SDHB: variants seen among roughly 807,000 people sequenced by gnomAD.
SDHB encodes succinate dehydrogenase complex iron sulfur subunit B.
Under a neutral mutation model 39.7 loss-of-function variants are expected in SDHB, and 21 were observed. That is an observed-to-expected ratio of 0.53 (90% CI 0.37 to 0.76). The LOEUF (loss-of-function observed/expected upper bound fraction) is 0.76, where lower values mean the gene tolerates loss of function less well. Ranked by LOEUF, SDHB falls within the 30% of genes least tolerant of loss-of-function variation. SDHB has a pLI of 0.00. For synonymous variants in SDHB, 118 were observed against 117.0 expected (o/e 1.01, Z -0.06); for missense variants, 343 against 350.9 (o/e 0.98, Z 0.18).
intron 2 of SDHB, among the ~76,000 whole-genome samples, chr1:17,034,068 TCCA>T (rs879333006): frequency 3.9e-5 from 6 of 152,148 alleles, no homozygotes; most frequent in Non-Finnish European, 8.8e-5. Context: ...CTGCCCCCAT[TCCA>T]CTCACTAATT....
chr1:17,041,520 C>T (rs192463397), intron 2 of SDHB, among the ~76,000 whole-genome samples: 19 of 151,898 alleles, frequency 1.3e-4, no homozygotes, highest in Middle Eastern at 3.4e-3. Context: ...AAAAATTAGA[C>T]GGTGTGTGAC....
Position 17,018,815 on chromosome 1 carries a change from C to T in SDHB, c.*66G>A. The stretch of plus-strand genomic sequence containing the variant: ...TGGAAAACCAAGATCTTTAAAGGAA[C>T]TCAAATTAGATATAAATTATGTTCA... On this transcript the variant is annotated 3_prime_UTR_variant, in exon 8 of 8. Transcript: ENST00000375499. 1 of 1,176,636 alleles carries T rather than the reference C, an allele frequency of 8.5e-7. No individual in the cohort carries two copies. Among genetic ancestry groups the T allele is most frequent in the Non-Finnish European group, 1.3e-6 (1 of 785,292 alleles). 72.9% of individuals were successfully genotyped at this position (1,176,636 alleles called of 1,614,324 possible). A position where few individuals can be genotyped will look rare whatever the true frequency, so the allele number is the denominator to read the frequency against.
In SDHB at chr1:17,053,847, G is replaced by A. The variant is rs2078162164; in HGVS notation, c.72+101C>T. On this transcript the variant is annotated intron_variant, in intron 1 of 7. Coordinates refer to ENST00000375499, the MANE Select transcript of SDHB (RefSeq NM_003000.3). ...GGGAGGAGGTCCTCCATCTCCCTGA[G>A]GCCTTGCCCTATGCTTCCTCAGTCT... is the stretch of plus-strand genomic sequence containing the variant. 3.2e-5 allele frequency: 27 copies of A among 844,630 alleles called. No individual in the cohort carries two copies. The South Asian group carries it at 3.7e-4, about 12-fold the overall frequency. 52.3% of individuals were successfully genotyped at this position (844,630 alleles called of 1,614,324 possible).
At chr1:17,050,374 C>A (rs1018742180) in intron 1 of SDHB, among the ~76,000 whole-genome samples, 1 of 151,374 alleles carries the variant, frequency 6.6e-6, no homozygotes, top group African/African-American at 2.4e-5. Context: ...ATAGGCCAGG[C>A]GTGGTGGCTC....
rs2078101264 is a variant in SDHB, at chr1:17,044,906, T to C, written c.73-18A>G. 1.2e-6 allele frequency: 2 copies of C among 1,611,450 alleles called. No homozygotes were observed. Among genetic ancestry groups the C allele is most frequent in the East Asian group, 4.5e-5 (2 of 44,856 alleles). On this transcript the variant is annotated intron_variant, in intron 1 of 7. Transcript: ENST00000375499. Reference sequence around the variant, plus strand: ...CGGGAGGCCTGAAATTTTTTAAAGTTCACAAAAAGGAAAAAAAAATTAGAA... The same window carrying C: ...CGGGAGGCCTGAAATTTTTTAAAGTCCACAAAAAGGAAAAAAAAATTAGAA...
chr1:17,032,930 TA>T (rs1381819381), intron 3 of SDHB, 129 bp downstream of exon 3: 2 of 742,776 alleles, frequency 2.7e-6, no homozygotes, highest in African/African-American at 3.5e-5. Context: ...GAAAAGGAAT[TA>T]GGTTGCACAG....
chr1:17,042,954 G>GTTTTT (rs143394198), intron 2 of SDHB, among the ~76,000 whole-genome samples: 4,612 of 62,902 alleles, frequency 0.073, 1,221 homozygotes, highest in Admixed American at 0.095. Flanking sequence ...TGTTTTATGA[G>GTTTTT]TTTTTTTTTT....
chr1:17,035,601 A>G (rs760219416), intron 2 of SDHB, among the ~76,000 whole-genome samples: 3 of 152,172 alleles, frequency 2.0e-5, no homozygotes, highest in Non-Finnish European at 4.4e-5. Context: ...CTGTAATCCC[A>G]GCACTTTGGG....
chr1:17,047,586 G>A (rs1361663422), intron 1 of SDHB, among the ~76,000 whole-genome samples: 1 of 151,882 alleles, frequency 6.6e-6, no homozygotes, highest in African/African-American at 2.4e-5. Flanking sequence ...GGGAGGCTGA[G>A]GCAGGAGAAT....
intron 2 of SDHB, among the ~76,000 whole-genome samples, chr1:17,040,785 A>G (rs536878302): frequency 2.9e-4 from 44 of 151,870 alleles, no homozygotes; most frequent in Non-Finnish European, 5.7e-4. Context: ...ATGCTGTTCC[A>G]TAGATCACAG....
chr1:17,028,386 C>G (rs868585932), intron 4 of SDHB, among the ~76,000 whole-genome samples: 3 of 152,222 alleles, frequency 2.0e-5, no homozygotes, highest in African/African-American at 7.2e-5. Context: ...TCTGGCCACA[C>G]TGTCTCAGAT....
chr1:17,045,187 G>C (rs2078102626), intron 1 of SDHB: 6 of 398,554 alleles, frequency 1.5e-5, no homozygotes, highest in Admixed American at 1.1e-4. Flanking sequence ...TGAATATAAA[G>C]AGCGATACTG....
intron 3 of SDHB, among the ~76,000 whole-genome samples, chr1:17,030,448 T>C (rs1156698899): frequency 1.3e-5 from 2 of 152,150 alleles, no homozygotes; most frequent in Non-Finnish European, 1.5e-5. Flanking sequence ...AAGAATGAAC[T>C]AATATGAAAC....
intron 2 of SDHB, among the ~76,000 whole-genome samples, chr1:17,033,880 A>G (rs1441323393): frequency 6.6e-6 from 1 of 152,266 alleles, no homozygotes; most frequent in Non-Finnish European, 1.5e-5. Flanking sequence ...TAGTTTAACT[A>G]TAATAATCAT....
rs199523383 is a variant in SDHB at position 17,027,876 on chromosome 1, G to C, written c.424-11C>G. On this transcript the variant is annotated splice_polypyrimidine_tract_variant and intron_variant, in intron 4 of 7. Coordinates refer to ENST00000375499, the MANE Select transcript of SDHB (RefSeq NM_003000.3). ...GAAGTTGCTCAAATCCTGTGGTTAA[G>C]AGGAAGAAGAAGAAGAAGAAGAAGA... 4.3e-5 allele frequency: 61 copies of C among 1,421,336 alleles called. No homozygotes were observed. The highest frequency in any genetic ancestry group is 5.9e-5 in the Non-Finnish European group (59 of 1,004,988). 88.0% of individuals were successfully genotyped at this position (1,421,336 alleles called of 1,614,324 possible). A position where few individuals can be genotyped will look rare whatever the true frequency, so the allele number is the denominator to read the frequency against.
intron 2 of SDHB, among the ~76,000 whole-genome samples, chr1:17,038,329 T>C (rs971513064): frequency 4.6e-5 from 7 of 152,346 alleles, no homozygotes; most frequent in Non-Finnish European, 1.0e-4. Context: ...CAGTAAAATT[T>C]TGAATGGCTG....
At chr1:17,022,524 T>C in intron 7 of SDHB, 84 bp downstream of exon 7, 1 of 1,567,688 alleles carries the variant, frequency 6.4e-7, no homozygotes. Flanking sequence ...AGGGTTGCTC[T>C]CTGCCAATCA....
chr1:17,020,841 AGCCTGTGG>A (rs1355593436), intron 7 of SDHB, among the ~76,000 whole-genome samples: 2 of 152,334 alleles, frequency 1.3e-5, no homozygotes, highest in Admixed American at 1.3e-4. Flanking sequence ...AGGGAGCTGA[AGCCTGTGG>A]GCTCCCCCAG....
At position 17,028,745 on chromosome 1, in the gene SDHB, G is replaced by C. The variant is rs775784091; in HGVS notation, c.287-9C>G. The C allele has an allele frequency of 1.2e-6, 2 of 1,613,630 alleles. No homozygotes were observed. Among genetic ancestry groups the C allele is most frequent in the Non-Finnish European group, 1.7e-6 (2 of 1,180,022 alleles). On this transcript the variant is annotated splice_polypyrimidine_tract_variant and intron_variant, in intron 3 of 7. Coordinates refer to ENST00000375499, the MANE Select transcript of SDHB (RefSeq NM_003000.3). ...ACAAGAGCCACAGATGCCTGAAAGAGACACACATTTAACACATCCTCACCC... is the reference window on the plus strand; with the variant it reads ...ACAAGAGCCACAGATGCCTGAAAGACACACACATTTAACACATCCTCACCC...
Sources: gnomAD v4.1 joint callset for allele counts (sites outside exome capture counted in the v4.1 genomes callset) on GRCh38, gnomAD v4.1.1 for gene constraint, MANE v1.5 for transcripts, NCBI Gene and HGNC (gene_info 2026-07-23, HGNC 2026-07-21) for gene names.